ROBO2: variants seen among roughly 807,000 people sequenced by gnomAD.
ROBO2 encodes roundabout homolog 2.
Under a neutral mutation model 160.8 loss-of-function variants are expected in ROBO2, and 53 were observed. The observed-to-expected ratio is 0.33, with a 90% CI of 0.26 to 0.41. ROBO2 has a LOEUF of 0.41. Ranked by LOEUF, ROBO2 falls within the 10% of genes least tolerant of loss-of-function variation. ROBO2 has a pLI of 1.00. For missense variants in ROBO2, 1,577 were observed against 1,722.4 expected (o/e 0.92, Z 1.49); for synonymous variants, 664 against 611.7 (o/e 1.09, Z -1.26).
intron 2 of ROBO2, among the ~76,000 whole-genome samples, chr3:76,055,914 A>G (rs1279724820): frequency 1.3e-5 from 2 of 152,054 alleles, no homozygotes; most frequent in Admixed American, 1.3e-4. Flanking sequence ...ATGCACCACC[A>G]CACCTGGCTG....
intron 1 of ROBO2, among the ~76,000 whole-genome samples, chr3:77,093,777 TA>T (rs2070664708): frequency 6.6e-6 from 1 of 152,160 alleles, no homozygotes; most frequent in East Asian, 1.9e-4. Flanking sequence ...TCTCTCTCTC[TA>T]ATCTATCTAT....
intron 1 of ROBO2, among the ~76,000 whole-genome samples, chr3:77,046,461 A>G (rs1408192777): frequency 6.6e-6 from 1 of 152,194 alleles, no homozygotes; most frequent in African/African-American, 2.4e-5. Context: ...GATCTCAGCA[A>G]TAGTAAATAT....
At chr3:77,186,658 C>G (rs1306185965) in intron 2 of ROBO2, among the ~76,000 whole-genome samples, 1 of 151,920 alleles carries the variant, frequency 6.6e-6, no homozygotes, top group Non-Finnish European at 1.5e-5. Context: ...AGTGTGTTAA[C>G]AATCCTTGAA....
At chr3:76,000,720 G>A (rs1341199582) in intron 2 of ROBO2, among the ~76,000 whole-genome samples, 2 of 151,482 alleles carry the variant, frequency 1.3e-5, no homozygotes, top group African/African-American at 4.9e-5. Context: ...TCGATCTCCT[G>A]ACCTCATGAT....
intron 2 of ROBO2, among the ~76,000 whole-genome samples, chr3:76,462,711 A>G (rs1401286541): frequency 6.6e-6 from 1 of 152,192 alleles, no homozygotes; most frequent in East Asian, 1.9e-4. Flanking sequence ...GACTTTATGC[A>G]TGAATGTATG....
At chr3:77,330,215 A>C (rs2153440991) in intron 2 of ROBO2, among the ~76,000 whole-genome samples, 1 of 152,278 alleles carries the variant, frequency 6.6e-6, no homozygotes, top group East Asian at 1.9e-4. Context: ...ATATGTTGTT[A>C]AAGATTTTAT....
intron 2 of ROBO2, among the ~76,000 whole-genome samples, chr3:76,100,390 G>T (rs1236480789): frequency 6.6e-6 from 1 of 152,140 alleles, no homozygotes; most frequent in African/African-American, 2.4e-5. Flanking sequence ...ACTGCTCTTT[G>T]TCTGCTCTCT....
chr3:76,029,546 G>A (rs554267639), intron 2 of ROBO2, among the ~76,000 whole-genome samples: 163 of 152,132 alleles, frequency 1.1e-3, no homozygotes, highest in Admixed American at 3.8e-3. Flanking sequence ...GCTCTGGTGT[G>A]TGATGTTCCC....
At chr3:76,019,739 A>G (rs1335397060) in intron 2 of ROBO2, among the ~76,000 whole-genome samples, 2 of 151,232 alleles carry the variant, frequency 1.3e-5, no homozygotes, top group African/African-American at 4.9e-5. Context: ...TTCCATGTGT[A>G]TCTGAGAATA....
intron 2 of ROBO2, among the ~76,000 whole-genome samples, chr3:77,358,736 ATG>A (rs907219622): frequency 6.6e-6 from 1 of 152,236 alleles, no homozygotes; most frequent in African/African-American, 2.4e-5. Flanking sequence ...CTAGATAACA[ATG>A]TATTTAGAAA....
chr3:76,700,889 C>G (rs2093033223), intron 2 of ROBO2, among the ~76,000 whole-genome samples: 2 of 152,124 alleles, frequency 1.3e-5, no homozygotes, highest in African/African-American at 4.8e-5. Context: ...CATTCATTCA[C>G]TTGTATACTC....
rs181731108 is a variant in ROBO2, at chr3:76,141,396, A to G, written c.109+203794A>G. ...TTGACTCAAACCTCAGCATCACGCA[A>G]TATACCCATGTAACAAACCTGCAGA... On this transcript the variant is annotated intron_variant, in intron 2 of 26. Coordinates refer to the ROBO2 transcript ENST00000487694. Among the ~76,000 whole-genome samples, 98 of 150,782 alleles carry G rather than the reference A, an allele frequency of 6.5e-4. 3 individuals are homozygous for G. Among genetic ancestry groups the G allele is most frequent in the Middle Eastern group, 6.8e-3 (2 of 294 alleles).
At chr3:77,586,664 T>C (rs1341823895) in intron 16 of ROBO2, among the ~76,000 whole-genome samples, 2 of 151,924 alleles carry the variant, frequency 1.3e-5, no homozygotes, top group Admixed American at 6.6e-5. Context: ...TGAAATATTA[T>C]GGATCCTTTA....
At chr3:77,046,044 T>TA (rs2064631684) in intron 1 of ROBO2, among the ~76,000 whole-genome samples, 1 of 152,190 alleles carries the variant, frequency 6.6e-6, no homozygotes, top group Non-Finnish European at 1.5e-5. Flanking sequence ...TTTTGGCTAT[T>TA]ATAGATATTG....
At position 77,455,737 on chromosome 3, in the gene ROBO2, C is replaced by CTT. The variant is rs11342818; in HGVS notation, c.389-21664_389-21663dup. Among the ~76,000 whole-genome samples, 52 of 146,160 alleles carry CTT rather than the reference C, an allele frequency of 3.6e-4. 1 individual carries two copies. Among genetic ancestry groups the CTT allele is most frequent in the Admixed American group, 1.4e-3 (21 of 14,634 alleles). On this transcript the variant is annotated intron_variant, in intron 2 of 25. Coordinates refer to ENST00000461745, the Ensembl canonical transcript of ROBO2. Reference sequence around the variant, plus strand: ...GAGCCACCGCGCCCGGCCTTATACTCTTTTTTTTTTTTTTAGATGTTTGAG... The same window carrying CTT: ...GAGCCACCGCGCCCGGCCTTATACTCTTTTTTTTTTTTTTTTAGATGTTTGAG...
chr3:76,991,956 CTG>C (rs2060691103), intron 2 of ROBO2, among the ~76,000 whole-genome samples: 1 of 152,068 alleles, frequency 6.6e-6, no homozygotes, highest in Non-Finnish European at 1.5e-5. Flanking sequence ...ATATGGGACA[CTG>C]TAGAAATGTA....
At position 76,954,877 on chromosome 3, in the gene ROBO2, A is replaced by G. The variant is rs183295198; in HGVS notation, c.110-143137A>G. Among the ~76,000 whole-genome samples the G allele has an allele frequency of 2.6e-3, 400 of 152,340 alleles. 3 individuals are homozygous for G. Among genetic ancestry groups the G allele is most frequent in the African/African-American group, 9.1e-3 (379 of 41,584 alleles). The stretch of plus-strand genomic sequence containing the variant: ...TGTACACATAAAAAATTATATATAG[A>G]ACATCCTTTCAATCATTTTAAGTGT... On this transcript the variant is annotated intron_variant, in intron 2 of 26. Coordinates refer to the ROBO2 transcript ENST00000487694.
At chr3:76,888,244 T>C (rs1225927710) in intron 2 of ROBO2, among the ~76,000 whole-genome samples, 1 of 152,070 alleles carries the variant, frequency 6.6e-6, no homozygotes, top group East Asian at 1.9e-4. Context: ...GGTGCACGCC[T>C]GTAATCCCAG....
At chr3:76,806,526 G>A (rs1053925952) in intron 2 of ROBO2, among the ~76,000 whole-genome samples, 2 of 151,818 alleles carry the variant, frequency 1.3e-5, no homozygotes, top group African/African-American at 4.8e-5. Context: ...AAAAAAACAT[G>A]AATAAAAATG....
Sources: gnomAD v4.1 joint callset for allele counts (sites outside exome capture counted in the v4.1 genomes callset) on GRCh38, gnomAD v4.1.1 for gene constraint, MANE v1.5 for transcripts, NCBI Gene and HGNC (gene_info 2026-07-23, HGNC 2026-07-21) for gene names.